Variants in FAM163B observed in about 807,000 individuals in gnomAD.
FAM163B encodes the protein family with sequence similarity 163 member B, also known as protein FAM163B.
FAM163B carries 4 observed loss-of-function variants against 7.6 expected under a neutral mutation model. The observed-to-expected ratio is 0.52, with a 90% CI of 0.26 to 1.20. The LOEUF (loss-of-function observed/expected upper bound fraction) is 1.20, where lower values mean the gene tolerates loss of function less well. Among genes scored for constraint, FAM163B ranks in the 50% most tolerant of loss-of-function variants. The pLI, the probability that FAM163B is intolerant of heterozygous loss-of-function variation, is 0.14. For synonymous variants in FAM163B, 120 were observed against 111.6 expected, an observed-to-expected ratio of 1.07 and a Z score of -0.47; for missense variants, 250 against 243.0, an observed-to-expected ratio of 1.03 and a Z score of -0.19.
rs1831797627 is a variant in FAM163B at position 133,606,978 on chromosome 9, G to C, written c.-24+2099C>G. On this transcript the variant is annotated intron_variant, in intron 1 of 2. Coordinates refer to ENST00000673969, the MANE Select transcript of FAM163B (RefSeq NM_001080515.3). The surrounding 1 kb of genome is among the most constrained non-coding windows in gnomAD (Gnocchi z 4.0). The stretch of plus-strand genomic sequence containing the variant: ...GCACCAGAAAAGTCAGGAATATAGA[G>C]CCAGCCCCTAAATATACAAAACGGG... Among the ~76,000 whole-genome samples, 1 of 152,188 alleles carries C rather than the reference G, an allele frequency of 6.6e-6. No homozygotes were observed. Among genetic ancestry groups the C allele is most frequent in the African/African-American group, 2.4e-5 (1 of 41,444 alleles).
chr9:133,594,661 C>A (rs956935124), intron 1 of FAM163B, among the ~76,000 whole-genome samples: 2 of 152,142 alleles, frequency 1.3e-5, no homozygotes, highest in African/African-American at 4.8e-5. Context: ...TGGGTCCCTG[C>A]TTTTGTGGAG....
chr9:133,608,703 GAA>G (rs1831818545), intron 1 of FAM163B, among the ~76,000 whole-genome samples: 1 of 152,256 alleles, frequency 6.6e-6, no homozygotes. Context: ...CTCAGCAAAT[GAA>G]AAAGTCTTAG....
At chr9:133,588,591 CATGTTGAGGGATCTAGG>C (rs1831477593) in intron 1 of FAM163B, among the ~76,000 whole-genome samples, 3 of 2,728 alleles carry the variant, frequency 1.1e-3, no homozygotes, top group African/African-American at 2.5e-3. Flanking sequence ...AGGGATCTAG[CATGTTGAGGGATCTAGG>C]ATGCTGAAGG....
At position 133,580,237 on chromosome 9, in the gene FAM163B, C is replaced by T; in HGVS notation, c.-14G>A. 1 of 1,610,520 alleles carries T rather than the reference C, an allele frequency of 6.2e-7. No individual in the cohort carries two copies. Among genetic ancestry groups the T allele is most frequent in the South Asian group, 1.1e-5 (1 of 90,974 alleles). On this transcript the variant is annotated 5_prime_UTR_variant, in exon 2 of 3. It removes an upstream start codon present in the reference 5' UTR. Coordinates refer to ENST00000673969, the MANE Select transcript of FAM163B (RefSeq NM_001080515.3). ...CCCGGCTGTCATCCGCCCCCTTCTC[C>T]ATCAACAGCCTGCAACACACGCCGC...
rs796322203 is a variant in FAM163B, at chr9:133,577,541, C to A, written c.*1481G>T. Among the ~76,000 whole-genome samples the A allele has an allele frequency of 2.6e-5, 4 of 152,380 alleles. No individual in the cohort carries two copies. The highest frequency in any genetic ancestry group is 9.6e-5 in the African/African-American group (4 of 41,598). On this transcript the variant is annotated 3_prime_UTR_variant, in exon 3 of 3. Coordinates refer to ENST00000673969, the MANE Select transcript of FAM163B (RefSeq NM_001080515.3). ...TTTTTGAGTAAGGGCAAGAAGTGTC[C>A]TGCTCAAGCCACCCCTCCGCTCAGG... is the stretch of plus-strand genomic sequence containing the variant.
chr9:133,591,715 C>A (rs951778152), intron 1 of FAM163B, among the ~76,000 whole-genome samples: 1 of 152,200 alleles, frequency 6.6e-6, no homozygotes, highest in Non-Finnish European at 1.5e-5. Flanking sequence ...GGGGAGCACA[C>A]TGGGAGAACC....
chr9:133,607,645 C>T (rs978861827), intron 1 of FAM163B, among the ~76,000 whole-genome samples: 29 of 152,276 alleles, frequency 1.9e-4, no homozygotes, highest in Admixed American at 5.9e-4. Flanking sequence ...CTAGACAAGC[C>T]GGCCCCATTG....
At chr9:133,599,910 G>T (rs1275779378) in intron 1 of FAM163B, among the ~76,000 whole-genome samples, 1 of 150,910 alleles carries the variant, frequency 6.6e-6, no homozygotes, top group Non-Finnish European at 1.5e-5. Context: ...TGTGGGTGTG[G>T]TCTGTGTGCA....
rs1382317437 is a variant in FAM163B at position 133,599,630 on chromosome 9, ATGTG to A, written c.-24+9443_-24+9446del. Among the ~76,000 whole-genome samples the A allele has an allele frequency of 1.1e-4, 16 of 148,026 alleles. No individual in the cohort carries two copies. The East Asian group carries it at 1.8e-3, about 17-fold the overall frequency. On this transcript the variant is annotated intron_variant, in intron 1 of 2. Coordinates refer to ENST00000673969, the MANE Select transcript of FAM163B (RefSeq NM_001080515.3). ...TGTGTGCATGTATCTGCATGCATGTATGTGTAAGTGTGCATGTGTTAGTTGTGTC... is the reference window on the plus strand; with the variant it reads ...TGTGTGCATGTATCTGCATGCATGTATAAGTGTGCATGTGTTAGTTGTGTC...
rs988840343 is a variant in FAM163B, at chr9:133,609,110, G to T, written c.-57C>A. On this transcript the variant is annotated 5_prime_UTR_variant, in exon 1 of 3. Coordinates refer to ENST00000673969, the MANE Select transcript of FAM163B (RefSeq NM_001080515.3). ...ATGGGAACCGCGCTGCCCCGGCCGC[G>T]AGGACTTGGGCGCACGTGACGGGGC... 6.6e-6 allele frequency among the ~76,000 whole-genome samples: 1 copy of T among 152,122 alleles called. No individual in the cohort carries two copies. Among genetic ancestry groups the T allele is most frequent in the Admixed American group, 6.5e-5 (1 of 15,284 alleles).
Position 133,606,718 on chromosome 9 carries a change from C to T in FAM163B, c.-24+2359G>A, listed in dbSNP as rs943868317. On this transcript the variant is annotated intron_variant, in intron 1 of 2. Coordinates refer to ENST00000673969, the MANE Select transcript of FAM163B (RefSeq NM_001080515.3). This position sits in a 1 kb window ranked among gnomAD's most constrained non-coding sequence, Gnocchi z 4.0. Reference sequence around the variant, plus strand: ...AGGGAAGTGGCGGTAGGGCCAGGAGCGGAGTGGAGGACAGAACAAGGGCTC... The same window carrying T: ...AGGGAAGTGGCGGTAGGGCCAGGAGTGGAGTGGAGGACAGAACAAGGGCTC... 3.3e-5 allele frequency among the ~76,000 whole-genome samples: 5 copies of T among 152,222 alleles called. No homozygotes were observed. The highest frequency in any genetic ancestry group is 1.3e-4 in the Admixed American group (2 of 15,276).
rs1236307766 is a variant in FAM163B, at chr9:133,601,186, C to T, written c.-24+7891G>A. 1.3e-5 allele frequency among the ~76,000 whole-genome samples: 2 copies of T among 152,216 alleles called. No individual in the cohort carries two copies. The highest frequency in any genetic ancestry group is 6.5e-5 in the Admixed American group (1 of 15,284). On this transcript the variant is annotated intron_variant, in intron 1 of 2. Transcript: ENST00000673969. This position sits in a 1 kb window ranked among gnomAD's most constrained non-coding sequence, Gnocchi z 4.1. ...TAGGCACAGGGGTTACAAAGATCCA[C>T]TGGGCCCCCTTCCTGAGCCTCTGAG...
intron 1 of FAM163B, among the ~76,000 whole-genome samples, chr9:133,581,131 GTCA>G (rs1831349706): frequency 6.6e-6 from 1 of 152,226 alleles, no homozygotes; most frequent in Non-Finnish European, 1.5e-5. Context: ...GAGTGATGCT[GTCA>G]GTGGCTGCTG....
intron 1 of FAM163B, among the ~76,000 whole-genome samples, chr9:133,592,200 G>C (rs1453569212): frequency 6.6e-6 from 1 of 152,186 alleles, no homozygotes; most frequent in East Asian, 1.9e-4. Flanking sequence ...TGTGGGCCGA[G>C]TCACTGGCTG....
intron 1 of FAM163B, among the ~76,000 whole-genome samples, chr9:133,584,268 C>T (rs989000971): frequency 2.2e-4 from 34 of 152,278 alleles, no homozygotes; most frequent in African/African-American, 6.7e-4. Context: ...GACCCCAGGA[C>T]TCTACTCAGC....
intron 1 of FAM163B, among the ~76,000 whole-genome samples, chr9:133,604,744 C>G (rs1245773294): frequency 6.6e-6 from 1 of 151,026 alleles, no homozygotes; most frequent in Non-Finnish European, 1.5e-5. Flanking sequence ...CTGCATTTCT[C>G]ACGGGTTCCT....
chr9:133,585,872 G>A (rs1468133148), intron 1 of FAM163B: 3 of 152,238 alleles, frequency 2.0e-5, no homozygotes, highest in Non-Finnish European at 4.4e-5. Context: ...TTGCCTCACG[G>A]TCAGACTCCT....
At chr9:133,602,791 C>T (rs1020138415) in intron 1 of FAM163B, among the ~76,000 whole-genome samples, 2 of 152,190 alleles carry the variant, frequency 1.3e-5, no homozygotes, top group Non-Finnish European at 2.9e-5. Flanking sequence ...CAGAAGCTCA[C>T]AGTCGACAAT....
At chr9:133,604,289 C>T (rs1221205666) in intron 1 of FAM163B, among the ~76,000 whole-genome samples, 3 of 152,112 alleles carry the variant, frequency 2.0e-5, no homozygotes, top group Admixed American at 2.0e-4. Context: ...TGATATGGGT[C>T]CAGGTAAATC....
Sources: allele counts gnomAD v4.1 joint callset (sites outside exome capture counted in the v4.1 genomes callset), GRCh38; gene constraint gnomAD v4.1.1; non-coding constraint Gnocchi (gnomAD v3.1); transcripts MANE v1.5; gene names NCBI Gene and HGNC (gene_info 2026-07-23, HGNC 2026-07-21).